The following VSNL1 variants were observed in gnomAD, a reference collection of about 807,000 sequenced individuals.
VSNL1 encodes visinin-like protein 1.
A neutral mutation model predicts 20.4 loss-of-function variants in VSNL1; 6 were observed. That is an observed-to-expected ratio of 0.29 (90% CI 0.16 to 0.58). The LOEUF is 0.58. Ranked by LOEUF, VSNL1 falls within the 20% of genes least tolerant of loss-of-function variation. The pLI is 0.90. For missense variants in VSNL1, 100 were observed against 234.5 expected, an observed-to-expected ratio of 0.43 and a Z score of 3.75; for synonymous variants, 93 against 86.4, an observed-to-expected ratio of 1.08 and a Z score of -0.42.
chr2:17,653,797 C>G (rs2555100), intron 3 of VSNL1, among the ~76,000 whole-genome samples: 53,737 of 151,788 alleles, frequency 0.35, 10,370 homozygotes, highest in African/African-American at 0.48. Context: ...ATGATTTTTA[C>G]TAAGTGTACA....
intron 2 of VSNL1, among the ~76,000 whole-genome samples, chr2:17,632,537 G>C (rs901234177): frequency 2.0e-5 from 3 of 152,158 alleles, no homozygotes; most frequent in Non-Finnish European, 4.4e-5. Flanking sequence ...CTGACCTCGT[G>C]ATCTGCCCAC....
chr2:17,572,652 C>A (rs1238627968), intron 1 of VSNL1, among the ~76,000 whole-genome samples: 4 of 152,214 alleles, frequency 2.6e-5, no homozygotes, highest in Non-Finnish European at 5.9e-5. Flanking sequence ...TGATTGGAGT[C>A]ATACAGGTAG....
At chr2:17,652,957 T>C (rs559281265) in intron 3 of VSNL1, among the ~76,000 whole-genome samples, 11 of 152,318 alleles carry the variant, frequency 7.2e-5, no homozygotes, top group African/African-American at 2.6e-4. Flanking sequence ...GCTGAGATCA[T>C]AGGGTTCATC....
chr2:17,591,019 T>C (rs1664582709), intron 1 of VSNL1, among the ~76,000 whole-genome samples: 2 of 152,204 alleles, frequency 1.3e-5, no homozygotes, highest in Admixed American at 6.5e-5. Context: ...TATTATTTAT[T>C]ATAAAGCAAC....
intron 2 of VSNL1, among the ~76,000 whole-genome samples, chr2:17,593,555 G>A (rs143954723): frequency 2.6e-5 from 4 of 152,242 alleles, no homozygotes; most frequent in African/African-American, 9.6e-5. Context: ...ATGAAATTGG[G>A]GGTATGGCCA....
intron 2 of VSNL1, among the ~76,000 whole-genome samples, chr2:17,617,848 G>C (rs1224247056): frequency 8.4e-6 from 1 of 119,268 alleles, no homozygotes; most frequent in Non-Finnish European, 2.1e-5. Flanking sequence ...TTCCAATTTT[G>C]AGATGCCTTC....
rs1665002450 is a variant in VSNL1, at chr2:17,608,326, A to G, written c.162+16090A>G. On this transcript the variant is annotated intron_variant, in intron 2 of 3. Coordinates refer to ENST00000295156, the MANE Select transcript of VSNL1 (RefSeq NM_003385.5). ...TCCATGTTCTTTTAAAAAATGTGACATGTCTACCAGGAGCACGATAAATGA... is the reference window on the plus strand; with the variant it reads ...TCCATGTTCTTTTAAAAAATGTGACGTGTCTACCAGGAGCACGATAAATGA... Among the ~76,000 whole-genome samples, 3 of 152,246 alleles carry G rather than the reference A, an allele frequency of 2.0e-5. No individual in the cohort carries two copies. The South Asian group carries it at 6.2e-4, about 31-fold the overall frequency.
At chr2:17,598,705 C>T (rs996173663) in intron 2 of VSNL1, among the ~76,000 whole-genome samples, 6 of 152,154 alleles carry the variant, frequency 3.9e-5, no homozygotes. Flanking sequence ...ATTGAGGATT[C>T]TGTAGTCCCA....
At chr2:17,558,170 CT>C (rs1297991310) in intron 1 of VSNL1, among the ~76,000 whole-genome samples, 3 of 152,094 alleles carry the variant, frequency 2.0e-5, no homozygotes, top group Non-Finnish European at 4.4e-5. Context: ...CTTTGAAATG[CT>C]TATGTCCTGA....
chr2:17,567,352 A>ATTT (rs1663972508), intron 1 of VSNL1: 1 of 42,692 alleles, frequency 2.3e-5, no homozygotes, highest in Non-Finnish European at 4.9e-5. Context: ...ATAGAGTCTC[A>ATTT]CTTTTTTTTT....
chr2:17,642,951 A>T (rs1665913191), intron 2 of VSNL1, among the ~76,000 whole-genome samples: 2 of 152,050 alleles, frequency 1.3e-5, no homozygotes, highest in Non-Finnish European at 2.9e-5. Context: ...CACCCAGAGG[A>T]CAAGGGATGG....
intron 2 of VSNL1, among the ~76,000 whole-genome samples, chr2:17,643,914 G>A (rs971498869): frequency 2.0e-5 from 3 of 152,152 alleles, no homozygotes; most frequent in Non-Finnish European, 4.4e-5. Flanking sequence ...CAAGGGAGCC[G>A]GGGGACCAGA....
chr2:17,578,645 A>T (rs1020811478), intron 1 of VSNL1, among the ~76,000 whole-genome samples: 1 of 152,190 alleles, frequency 6.6e-6, no homozygotes, highest in South Asian at 2.1e-4. Context: ...GCTGGGAGGG[A>T]GGCAGGTGGA....
intron 2 of VSNL1, among the ~76,000 whole-genome samples, chr2:17,641,779 G>C (rs1210608136): frequency 6.6e-6 from 1 of 152,120 alleles, no homozygotes; most frequent in African/African-American, 2.4e-5. Context: ...TCTAGATGTA[G>C]TTGTATAGAC....
intron 1 of VSNL1, chr2:17,567,333 G>C (rs918437834): frequency 6.8e-6 from 1 of 146,494 alleles, no homozygotes; most frequent in Non-Finnish European, 1.5e-5. Flanking sequence ...TTGATGTAAA[G>C]AGAGTCTCAT....
In VSNL1 at chr2:17,592,101, C is replaced by A. The variant is rs748296491; in HGVS notation, c.27C>A (p.Ala9=). The A allele has an allele frequency of 1.2e-6, 2 of 1,613,736 alleles. No individual in the cohort carries two copies. Among genetic ancestry groups the A allele is most frequent in the Non-Finnish European group, 1.7e-6 (2 of 1,179,786 alleles). Residue 9 remains alanine, a synonymous_variant, in exon 2 of 4, where the codon GCC becomes GCA. Transcript: ENST00000295156. The stretch of plus-strand genomic sequence containing the variant: ...TGGGGAAGCAGAATAGCAAACTGGC[C>A]CCTGAAGTGATGGAGGACCTGGTGA... MGKQNSKL[A]PEVMEDLVKS... is the part of the protein sequence containing the mutation.
At chr2:17,561,790 G>GGA (rs949065934) in intron 1 of VSNL1, among the ~76,000 whole-genome samples, 2 of 152,154 alleles carry the variant, frequency 1.3e-5, no homozygotes, top group African/African-American at 4.8e-5. Flanking sequence ...AAGAAAAAGA[G>GGA]GAGAGAGAGA....
Position 17,634,952 on chromosome 2 carries a change from ATACACACG to A in VSNL1, c.163-14450_163-14443del, listed in dbSNP as rs1355986665. On this transcript the variant is annotated intron_variant, in intron 2 of 3. Coordinates refer to ENST00000295156, the MANE Select transcript of VSNL1 (RefSeq NM_003385.5). The surrounding 1 kb of genome is among the most constrained non-coding windows in gnomAD (Gnocchi z 4.3). ...CGACCCCTAGCTCGTTTGAACACAC[ATACACACG>A]TACACACACATACATGTGCACATAC... Among the ~76,000 whole-genome samples the A allele has an allele frequency of 6.6e-6, 1 of 152,102 alleles. No homozygotes were observed. Among genetic ancestry groups the A allele is most frequent in the Non-Finnish European group, 1.5e-5 (1 of 68,018 alleles).
chr2:17,646,077 A>G (rs184527790), intron 2 of VSNL1, among the ~76,000 whole-genome samples: 2 of 152,306 alleles, frequency 1.3e-5, no homozygotes, highest in Non-Finnish European at 2.9e-5. Context: ...TGGTGGTTTG[A>G]TTAATGCCTA....
Sources: gnomAD v4.1 joint callset for allele counts (sites outside exome capture counted in the v4.1 genomes callset) on GRCh38, gnomAD v4.1.1 for gene constraint, Gnocchi (gnomAD v3.1) non-coding constraint, MANE v1.5 for transcripts, NCBI Gene and HGNC (gene_info 2026-07-23, HGNC 2026-07-21) for gene names.